CFAP97: variants seen among roughly 807,000 people sequenced by gnomAD.
The protein encoded by CFAP97 is cilia- and flagella-associated protein 97.
In CFAP97, 36 loss-of-function variants were observed where a neutral mutation model predicts 43.1. The ratio of observed to expected loss-of-function variants is 0.84; its 90% CI spans 0.64 to 1.10. CFAP97 has a LOEUF of 1.10. Ranked by LOEUF, CFAP97 falls within the 50% of genes least tolerant of loss-of-function variation. The pLI is 0.00. For synonymous variants in CFAP97, 228 were observed against 225.7 expected, an observed-to-expected ratio of 1.01 and a Z score of -0.09; for missense variants, 657 against 620.3, an observed-to-expected ratio of 1.06 and a Z score of -0.63.
chr4:185,172,927 A>G (rs1735362654), intron 3 of CFAP97, among the ~76,000 whole-genome samples: 1 of 151,966 alleles, frequency 6.6e-6, no homozygotes, highest in African/African-American at 2.4e-5. Flanking sequence ...GAGTATGAGA[A>G]GGCTTGCAGT....
intron 1 of CFAP97, among the ~76,000 whole-genome samples, chr4:185,193,245 T>C (rs1489402146): frequency 1.3e-5 from 2 of 152,040 alleles, no homozygotes; most frequent in Admixed American, 6.6e-5. Flanking sequence ...CAATTCAGCA[T>C]TGAAAAAGAA....
upstream of CFAP97, among the ~76,000 whole-genome samples, chr4:185,208,296 G>T (rs111986764): frequency 6.6e-6 from 1 of 151,864 alleles, no homozygotes; most frequent in Non-Finnish European, 1.5e-5. Flanking sequence ...GATTACAGGC[G>T]TGAGCCACCG....
upstream of CFAP97, among the ~76,000 whole-genome samples, chr4:185,206,929 G>A (rs1450521722): frequency 3.9e-5 from 6 of 152,162 alleles, no homozygotes; most frequent in Non-Finnish European, 7.4e-5. Context: ...AACCCAGGAG[G>A]CTGCTAGTGT....
At chr4:185,203,537 C>T (rs547375301) in intron 1 of CFAP97, among the ~76,000 whole-genome samples, 15 of 152,306 alleles carry the variant, frequency 9.8e-5, no homozygotes, top group African/African-American at 3.1e-4. Flanking sequence ...GATAACCCCT[C>T]GGGCCTCGTG....
At position 185,162,872 on chromosome 4, in the gene CFAP97, A is replaced by C. The variant is rs746322555; in HGVS notation, c.1525T>G (p.Ser509Ala). 40 of 1,611,732 alleles carry C rather than the reference A, an allele frequency of 2.5e-5. No homozygotes were observed. The highest frequency in any genetic ancestry group is 3.3e-5 in the Non-Finnish European group (39 of 1,179,152). ...TSGLSCRSERSAVDPSSGHPR... is the reference protein window; with the variant it reads ...TSGLSCRSERAAVDPSSGHPR... ...TGGCCACTGGAGGGGTCAACCGCTG[A>C]TCGCTCACTCCTACAACTGAGACCA... The change falls in exon 5 of 5, where the codon TCA (serine) becomes GCA (alanine). Residue 509 changes from serine (S) to alanine (A), a missense_variant. Transcript: ENST00000458385.
At chr4:185,204,285 G>A (rs1160225540), upstream of CFAP97, 2 of 152,224 alleles carry the variant, frequency 1.3e-5, no homozygotes, top group Non-Finnish European at 2.9e-5. Context: ...TTGTTCTCGT[G>A]CGTTAATAGG....
intron 1 of CFAP97, among the ~76,000 whole-genome samples, chr4:185,199,819 T>G (rs1163459660): frequency 5.7e-5 from 8 of 139,642 alleles, no homozygotes; most frequent in African/African-American, 2.1e-4. Context: ...ACTGTTGAGA[T>G]CGACTGCTCA....
chr4:185,160,848 A>C lies in CFAP97; in HGVS notation c.*1950T>G, dbSNP rs1161014787. 1.4e-5 allele frequency: 2 copies of C among 147,300 alleles called. No homozygotes were observed. Among genetic ancestry groups the C allele is most frequent in the Admixed American group, 1.4e-4 (2 of 14,718 alleles). 9.1% of individuals were successfully genotyped at this position (147,300 alleles called of 1,614,324 possible). ...ATATAAATATATAATCTTTATATAT[A>C]TATAAAAATCTTTTTTAAAAGATTT... On this transcript the variant is annotated 3_prime_UTR_variant, in exon 5 of 5. Coordinates refer to ENST00000458385, the MANE Select transcript of CFAP97 (RefSeq NM_020827.3).
chr4:185,182,095 AT>A (rs1174840453), intron 2 of CFAP97: 1 of 152,068 alleles, frequency 6.6e-6, no homozygotes, highest in Non-Finnish European at 1.5e-5. Context: ...GAGGCCATGT[AT>A]TTCTAAAATA....
intron 1 of CFAP97, among the ~76,000 whole-genome samples, chr4:185,197,654 C>T (rs1238191886): frequency 1.3e-5 from 2 of 152,166 alleles, no homozygotes; most frequent in African/African-American, 4.8e-5. Flanking sequence ...TCTTGATCTC[C>T]TGACCTCGGG....
At chr4:185,186,513 C>A (rs944160000) in intron 2 of CFAP97, among the ~76,000 whole-genome samples, 1 of 151,742 alleles carries the variant, frequency 6.6e-6, no homozygotes. Flanking sequence ...TATTAAAATA[C>A]TCCTTCATTT....
At chr4:185,179,604 GC>G (rs1274394407) in intron 2 of CFAP97, among the ~76,000 whole-genome samples, 2 of 152,148 alleles carry the variant, frequency 1.3e-5, no homozygotes, top group Non-Finnish European at 2.9e-5. Flanking sequence ...CCCCACATGG[GC>G]CCTTGGGTTC....
chr4:185,195,635 T>C (rs892717885), intron 1 of CFAP97, among the ~76,000 whole-genome samples: 4 of 152,030 alleles, frequency 2.6e-5, no homozygotes, highest in African/African-American at 7.2e-5. Flanking sequence ...GTATAACTCA[T>C]GAGGGGAGGG....
chr4:185,202,072 C>A (rs1579273781), intron 1 of CFAP97, among the ~76,000 whole-genome samples: 1 of 152,166 alleles, frequency 6.6e-6, no homozygotes, highest in African/African-American at 2.4e-5. Flanking sequence ...CCTTGCCAGA[C>A]TGGGAGCTCC....
chr4:185,185,760 C>G (rs570120354), intron 2 of CFAP97, among the ~76,000 whole-genome samples: 1 of 151,678 alleles, frequency 6.6e-6, no homozygotes, highest in Non-Finnish European at 1.5e-5. Flanking sequence ...TCTCAACCTC[C>G]CCCCGCAGCT....
At position 185,160,574 on chromosome 4, in the gene CFAP97, C is replaced by T. The variant is rs1734840827; in HGVS notation, c.*2224G>A. ...CATTATATATAAGTAACCATGACAA[C>T]AGAATTGAAGTTCCGCTTAAAAGAC... On this transcript the variant is annotated 3_prime_UTR_variant, in exon 5 of 5. Coordinates refer to ENST00000458385, the MANE Select transcript of CFAP97 (RefSeq NM_020827.3). The T allele has an allele frequency of 6.6e-6, 1 of 151,996 alleles. No individual in the cohort carries two copies. Among genetic ancestry groups the T allele is most frequent in the Non-Finnish European group, 1.5e-5 (1 of 67,990 alleles). The allele number at this position is 151,996 out of a possible 1,614,324, so 9.4% of individuals were successfully genotyped here. A position where few individuals can be genotyped will look rare whatever the true frequency, so the allele number is the denominator to read the frequency against.
chr4:185,185,562 GC>G (rs1485303646), intron 2 of CFAP97, among the ~76,000 whole-genome samples: 1 of 151,132 alleles, frequency 6.6e-6, no homozygotes, highest in Non-Finnish European at 1.5e-5. Flanking sequence ...CTTCTCAAGA[GC>G]TTTCTGATGA....
At chr4:185,205,668 A>C (rs1737156199), upstream of CFAP97, among the ~76,000 whole-genome samples, 1 of 152,146 alleles carries the variant, frequency 6.6e-6, no homozygotes, top group Admixed American at 6.6e-5. Context: ...GTCTCTACTA[A>C]AAATACAAAA....
chr4:185,179,907 C>T (rs1312004430), intron 2 of CFAP97, among the ~76,000 whole-genome samples: 1 of 152,138 alleles, frequency 6.6e-6, no homozygotes, highest in Non-Finnish European at 1.5e-5. Flanking sequence ...ATGTTATTTT[C>T]CAGTTCTATT....
Sources: gnomAD v4.1 joint callset for allele counts (sites outside exome capture counted in the v4.1 genomes callset) on GRCh38, gnomAD v4.1.1 for gene constraint, MANE v1.5 for transcripts, NCBI Gene and HGNC (gene_info 2026-07-23, HGNC 2026-07-21) for gene names.